The following BTK variants were observed in gnomAD, a reference collection of about 807,000 sequenced individuals.
BTK encodes the protein Bruton tyrosine kinase.
A neutral mutation model predicts 57.4 loss-of-function variants in BTK; 5 were observed. The observed-to-expected ratio is 0.09, with a 90% CI of 0.05 to 0.18. The LOEUF (loss-of-function observed/expected upper bound fraction) is 0.18. BTK is among the 10% of genes least tolerant of loss of function. The pLI, the probability that BTK is intolerant of heterozygous loss-of-function variation, is 1.00. For synonymous variants in BTK, 154 were observed against 174.3 expected (o/e 0.88, Z 0.92); for missense variants, 194 against 501.2 (o/e 0.39, Z 5.85).
In BTK at chrX:101,375,977, TGG is replaced by T. The variant is rs60553058; in HGVS notation, c.-30-665_-30-664del. 9.5e-4 allele frequency among the ~76,000 whole-genome samples: 98 copies of T among 103,434 alleles called. 1 individual carries two copies. The highest frequency in any genetic ancestry group is 2.9e-3 in the African/African-American group (84 of 28,778). The allele number at this position is 103,434 out of a possible 115,157, so 89.8% of individuals were successfully genotyped here. ...CATAATTTTTTTTGGTGGGTTTTGG[TGG>T]GGGGGGGGTAGTTGTTGTTTTCTGA... On this transcript the variant is annotated intron_variant, in intron 1 of 18. Transcript: ENST00000308731.
rs367956319 is a variant in BTK at position 101,360,154 on chromosome X, T to C, written c.777-4A>G. The C allele has an allele frequency of 8.4e-7, 1 of 1,193,577 alleles. No individual in the cohort carries two copies. Among genetic ancestry groups the C allele is most frequent in the Non-Finnish European group, 1.1e-6 (1 of 882,855 alleles). On this transcript the variant is annotated splice_region_variant and splice_polypyrimidine_tract_variant and intron_variant, in intron 8 of 18. Coordinates refer to ENST00000308731, the MANE Select transcript of BTK (RefSeq NM_000061.3). ...ACTAGGAATGTAGCCTTCCTGCCTGTGAAGGAAACAATGTGGCAGTTCATC... is the reference window on the plus strand; with the variant it reads ...ACTAGGAATGTAGCCTTCCTGCCTGCGAAGGAAACAATGTGGCAGTTCATC...
In BTK at chrX:101,360,035, T is replaced by TAG. The variant is rs200761404; in HGVS notation, c.839+51_839+52dup. The TAG allele has an allele frequency of 0.027, 13,751 of 502,907 alleles. 958 individuals carry two copies. The highest frequency in any genetic ancestry group is 0.14 in the Admixed American group (5,262 of 36,571). 41.4% of individuals were successfully genotyped at this position (502,907 alleles called of 1,213,427 possible). On this transcript the variant is annotated intron_variant, in intron 9 of 18. Transcript: ENST00000308731. ...ATAAATAAATAAATATATATATATA[T>TAG]AGAGAGAGAGAGTTCCTCCTGGAAG...
At chrX:101,379,252 G>A (rs901684310) in intron 1 of BTK, among the ~76,000 whole-genome samples, 5 of 110,091 alleles carry the variant, frequency 4.5e-5, no homozygotes, top group African/African-American at 1.3e-4. Flanking sequence ...ATTGGGAAGA[G>A]TCTATGAGAT....
Position 101,362,156 on chromosome X carries a change from C to T in BTK, c.588+17G>A. ...GTTTCCATTTAAGCAGTGGCAGCAC[C>T]CAGTTTCCCTGTATACCTGGTCCTC... On this transcript the variant is annotated intron_variant, in intron 7 of 18. Transcript: ENST00000308731. The T allele has an allele frequency of 8.3e-7, 1 of 1,209,281 alleles. No individual in the cohort carries two copies. Among genetic ancestry groups the T allele is most frequent in the Non-Finnish European group, 1.1e-6 (1 of 893,230 alleles).
chrX:101,355,485 T>C lies in BTK; in HGVS notation c.1566+567A>G, dbSNP rs73635574. The C allele has an allele frequency of 3.1e-3, 376 of 119,752 alleles. 2 individuals are homozygous for C. Among genetic ancestry groups the C allele is most frequent in the African/African-American group, 0.012 (349 of 30,302 alleles). The allele number at this position is 119,752 out of a possible 1,213,427, so 9.9% of individuals were successfully genotyped here. On this transcript the variant is annotated intron_variant, in intron 15 of 18. Coordinates refer to ENST00000308731, the MANE Select transcript of BTK (RefSeq NM_000061.3). ...TGAAGTGGATCGAGATTGCAGGAAA[T>C]GGAGAGTACATGCCTAGAGGAAAGG...
At chrX:101,363,883 C>T (rs112012348) in intron 5 of BTK, among the ~76,000 whole-genome samples, 5,963 of 85,565 alleles carry the variant, frequency 0.07, 151 homozygotes, top group South Asian at 0.34. Context: ...AGAAGAATCC[C>T]GCACATTATT....
chrX:101,365,942 A>C (rs1461977079), intron 5 of BTK, among the ~76,000 whole-genome samples: 1 of 112,397 alleles, frequency 8.9e-6, no homozygotes, highest in African/African-American at 3.2e-5. Flanking sequence ...GGCAAGCACC[A>C]TTGAGAAAAT....
chrX:101,380,599 C>T (rs1178149149), intron 1 of BTK, among the ~76,000 whole-genome samples: 1 of 111,247 alleles, frequency 9.0e-6, no homozygotes, highest in East Asian at 2.8e-4. Context: ...TTAGTCTTCT[C>T]CCTCCATAGA....
intron 4 of BTK, 87 bp from the exon 5 acceptor site, chrX:101,370,166 T>A (rs1022281944): frequency 2.7e-6 from 2 of 746,522 alleles, no homozygotes; most frequent in African/African-American, 4.2e-5. Flanking sequence ...GGGGACAATT[T>A]GTATATTTAT....
At chrX:101,360,523 G>A in intron 8 of BTK, 45 bp downstream of exon 8, 5 of 1,178,367 alleles carry the variant, frequency 4.2e-6, no homozygotes, top group Non-Finnish European at 5.8e-6. Flanking sequence ...TTGCGTGTAG[G>A]GAGTGGGCAG....
intron 9 of BTK, among the ~76,000 whole-genome samples, chrX:101,359,808 C>G (rs782681477): frequency 3.7e-5 from 4 of 107,168 alleles, no homozygotes; most frequent in Non-Finnish European, 7.7e-5. Context: ...GTGGTGGCAT[C>G]ATTTGATTCA....
chrX:101,355,453 A>G, intron 15 of BTK: 1 of 120,537 alleles, frequency 8.3e-6, no homozygotes, highest in Non-Finnish European at 1.7e-5. Flanking sequence ...GTTAAGTAAG[A>G]GTGAAGTGAA....
At chrX:101,351,152 C>T (rs1042756675) in intron 18 of BTK, among the ~76,000 whole-genome samples, 1 of 111,270 alleles carries the variant, frequency 9.0e-6, no homozygotes. Context: ...CACATCACCA[C>T]GCCTGGTTAA....
intron 1 of BTK, 148 bp downstream of exon 1, chrX:101,385,914 G>A (rs1235974255): frequency 9.0e-6 from 1 of 111,232 alleles, no homozygotes; most frequent in Non-Finnish European, 1.9e-5. Context: ...GGACTGCCAG[G>A]GCCTTGTGCT....
At chrX:101,367,255 A>AAG (rs1555979581) in intron 5 of BTK, among the ~76,000 whole-genome samples, 1 of 108,992 alleles carries the variant, frequency 9.2e-6, no homozygotes, top group Non-Finnish European at 1.9e-5. Context: ...AGAAAAAAAA[A>AAG]AAAGAAAAAA....
intron 7 of BTK, among the ~76,000 whole-genome samples, chrX:101,361,512 CA>C (rs374694373): frequency 9.5e-4 from 67 of 70,616 alleles, no homozygotes; most frequent in South Asian, 1.4e-3. Context: ...AAGAAGGAAC[CA>C]AAAAAAAAAA....
At chrX:101,375,661 T>A (rs971609241) in intron 1 of BTK, among the ~76,000 whole-genome samples, 1 of 112,730 alleles carries the variant, frequency 8.9e-6, no homozygotes, top group African/African-American at 3.2e-5. Flanking sequence ...GTGTAGAATC[T>A]GTGAAAAGCA....
In BTK at chrX:101,362,245, A is replaced by G. The variant is rs1238515436; in HGVS notation, c.521-5T>C. ...GAGAACTCCCAGGTTTTAAGCCTGCAAAACAAGAAGCCAGTGATGATATGG... is the reference window on the plus strand; with the variant it reads ...GAGAACTCCCAGGTTTTAAGCCTGCGAAACAAGAAGCCAGTGATGATATGG... On this transcript the variant is annotated splice_polypyrimidine_tract_variant and splice_region_variant and intron_variant, in intron 6 of 18. Transcript: ENST00000308731. 5.0e-6 allele frequency: 6 copies of G among 1,209,982 alleles called. No individual in the cohort carries two copies. Among genetic ancestry groups the G allele is most frequent in the Non-Finnish European group, 6.7e-6 (6 of 894,790 alleles).
At chrX:101,381,908 T>A (rs1213650667) in intron 1 of BTK, among the ~76,000 whole-genome samples, 1 of 108,670 alleles carries the variant, frequency 9.2e-6, no homozygotes, top group African/African-American at 3.4e-5. Context: ...GGCGCGCACC[T>A]GTAATCCCAG....
Sources: allele counts gnomAD v4.1 joint callset (sites outside exome capture counted in the v4.1 genomes callset), GRCh38; gene constraint gnomAD v4.1.1; transcripts MANE v1.5; gene names NCBI Gene and HGNC (gene_info 2026-07-23, HGNC 2026-07-21).